The following MSR1 variants were observed in gnomAD, a reference collection of about 807,000 sequenced individuals.
MSR1 encodes macrophage scavenger receptor 1.
MSR1 carries 53 observed loss-of-function variants against 47.2 expected under a neutral mutation model. The observed-to-expected ratio is 1.12, with a 90% CI of 0.90 to 1.41. MSR1 has a LOEUF of 1.41. Ranked by LOEUF, MSR1 falls within the 40% of genes most tolerant of loss-of-function variation. The probability of loss-of-function intolerance (pLI) is 0.00; values close to 1 mark genes in which losing one functional copy is unlikely to be tolerated. For missense variants in MSR1, 786 were observed against 546.9 expected (o/e 1.44, Z -4.36); for synonymous variants, 239 against 185.6 (o/e 1.29, Z -2.34).
intron 1 of MSR1, among the ~76,000 whole-genome samples, chr8:16,181,649 G>T (rs989654154): frequency 6.6e-6 from 1 of 152,016 alleles, no homozygotes; most frequent in Non-Finnish European, 1.5e-5. Context: ...GGGCCTGTCA[G>T]GGGGTGGGAG....
chr8:16,117,808 G>A (rs1799910491), intron 9 of MSR1, among the ~76,000 whole-genome samples: 1 of 151,958 alleles, frequency 6.6e-6, no homozygotes, highest in Non-Finnish European at 1.5e-5. Context: ...CAAGCTGAGA[G>A]CTCCCACTGA....
chr8:16,145,734 G>A (rs1181285229), intron 7 of MSR1, among the ~76,000 whole-genome samples: 2 of 151,990 alleles, frequency 1.3e-5, no homozygotes, highest in Non-Finnish European at 2.9e-5. Flanking sequence ...CAAATGTTTT[G>A]TATCATTTTA....
chr8:16,150,163 T>G, intron 7 of MSR1, 68 bp downstream of exon 7: 1 of 279,762 alleles, frequency 3.6e-6, no homozygotes. Flanking sequence ...TATATATATA[T>G]ATATATATAA....
At chr8:16,139,770 AAAAAATATATATATATATATATAT>A (rs1800494454) in intron 8 of MSR1, 1 of 62,818 alleles carries the variant, frequency 1.6e-5, no homozygotes, top group Non-Finnish European at 2.1e-5. Context: ...AAAAAAAAAA[AAAAAATATATATATATATATATAT>A]ATATATATAT....
intron 1 of MSR1, among the ~76,000 whole-genome samples, chr8:16,191,854 A>G (rs1563177271): frequency 6.6e-6 from 1 of 152,206 alleles, no homozygotes; most frequent in Non-Finnish European, 1.5e-5. Context: ...AAGATTAATC[A>G]GATTTCTAGC....
At chr8:16,168,998 A>C (rs1801405544) in intron 3 of MSR1, 128 bp from the exon 4 acceptor site, 1 of 940,378 alleles carries the variant, frequency 1.1e-6, no homozygotes, top group African/African-American at 1.7e-5. Flanking sequence ...GCTAGGCTAA[A>C]TCGAGTATTT....
chr8:16,162,621 A>G (rs1433014300), intron 5 of MSR1, among the ~76,000 whole-genome samples: 1 of 152,068 alleles, frequency 6.6e-6, no homozygotes, highest in African/African-American at 2.4e-5. Flanking sequence ...GGCAATGAGC[A>G]GGCCAGCAGA....
chr8:16,140,245 C>T, intron 8 of MSR1: 1 of 983,778 alleles, frequency 1.0e-6, no homozygotes, highest in South Asian at 4.7e-5. Flanking sequence ...GCGTGTAGTC[C>T]AGCCTGTGCA....
At chr8:16,187,389 A>AG (rs1802034476) in intron 1 of MSR1, among the ~76,000 whole-genome samples, 1 of 132,780 alleles carries the variant, frequency 7.5e-6, no homozygotes, top group Non-Finnish European at 1.6e-5. Flanking sequence ...AAAAAAAAAA[A>AG]GGAAAGAAAG....
intron 1 of MSR1, among the ~76,000 whole-genome samples, chr8:16,192,227 G>A (rs527408601): frequency 1.3e-5 from 2 of 152,150 alleles, no homozygotes; most frequent in Admixed American, 6.5e-5. Context: ...AGTTATGAAA[G>A]GAGAATAGGT....
intron 7 of MSR1, among the ~76,000 whole-genome samples, chr8:16,148,914 G>C (rs893606635): frequency 6.6e-6 from 1 of 152,126 alleles, no homozygotes; most frequent in African/African-American, 2.4e-5. Context: ...ATTGCTAAGT[G>C]AAAGAAGCCA....
At chr8:16,150,462 CA>C in intron 6 of MSR1, 151 bp from the exon 7 acceptor site, 1 of 342,874 alleles carries the variant, frequency 2.9e-6, no homozygotes, top group Non-Finnish European at 5.4e-6. Flanking sequence ...TAATGTTTGA[CA>C]TTGAAAAACA....
chr8:16,139,217 T>G (rs1800465760), intron 8 of MSR1: 2 of 962,076 alleles, frequency 2.1e-6, no homozygotes, highest in African/African-American at 1.8e-5. Context: ...TGCATTTTCA[T>G]TTTGCTTTCA....
In MSR1 at chr8:16,168,784, T is replaced by C; in HGVS notation, c.304A>G (p.Asn102Asp). 1 of 1,614,152 alleles carries C rather than the reference T, an allele frequency of 6.2e-7. No individual in the cohort carries two copies. The highest frequency in any genetic ancestry group is 1.1e-5 in the South Asian group (1 of 91,084). Residue 102 changes from asparagine to aspartate, a missense_variant, in exon 4 of 10, where the codon AAT becomes GAT. Transcript: ENST00000262101. ...AATCTCATTTCCTCTTCGCTGTCAT[T>C]TCCTTTTCCCGTGAGACTTTGAGTT... is the stretch of plus-strand genomic sequence containing the variant. ...DITQSLTGKGNDSEEEMRFQE... is the reference protein window; with the variant it reads ...DITQSLTGKGDDSEEEMRFQE...
At chr8:16,156,991 G>T (rs1394961455) in intron 5 of MSR1, among the ~76,000 whole-genome samples, 1 of 151,908 alleles carries the variant, frequency 6.6e-6, no homozygotes, top group Non-Finnish European at 1.5e-5. Flanking sequence ...GGGGAGGGGG[G>T]CAAGCAGGAC....
At chr8:16,170,051 C>G (rs898908097) in intron 3 of MSR1, among the ~76,000 whole-genome samples, 1 of 151,968 alleles carries the variant, frequency 6.6e-6, no homozygotes, top group Non-Finnish European at 1.5e-5. Context: ...TAAACATTAA[C>G]TTTTTATGCA....
intron 1 of MSR1, among the ~76,000 whole-genome samples, chr8:16,190,825 G>A (rs2084376092): frequency 6.6e-6 from 1 of 151,138 alleles, no homozygotes; most frequent in Non-Finnish European, 1.5e-5. Flanking sequence ...GGGTTCATGT[G>A]ATTCTCCTGC....
intron 5 of MSR1, among the ~76,000 whole-genome samples, chr8:16,163,164 A>G (rs1390213533): frequency 6.6e-6 from 1 of 151,984 alleles, no homozygotes; most frequent in Non-Finnish European, 1.5e-5. Context: ...AGAGAGAAAA[A>G]TTCAGCAAGA....
intron 8 of MSR1, among the ~76,000 whole-genome samples, chr8:16,138,008 G>GAA (rs778936817): frequency 8.1e-6 from 1 of 122,736 alleles, no homozygotes; most frequent in Non-Finnish European, 1.8e-5. Flanking sequence ...AAAGATAAAG[G>GAA]AAAAAAAAAA....
Sources: allele counts gnomAD v4.1 joint callset (sites outside exome capture counted in the v4.1 genomes callset), GRCh38; gene constraint gnomAD v4.1.1; transcripts MANE v1.5; gene names NCBI Gene and HGNC (gene_info 2026-07-23, HGNC 2026-07-21).